The following EYS variants were observed in gnomAD, a reference collection of about 807,000 sequenced individuals.
EYS encodes protein eyes shut homolog.
In EYS, 250 loss-of-function variants were observed where a neutral mutation model predicts 282.1. That is an observed-to-expected ratio of 0.89 (90% CI 0.80 to 0.98). EYS has a LOEUF of 0.98. Among genes scored for constraint, EYS ranks in the 50% least tolerant of loss-of-function variants. EYS has a pLI of 0.00. For synonymous variants in EYS, 1,355 were observed against 1,282.9 expected, an observed-to-expected ratio of 1.06 and a Z score of -1.20; for missense variants, 4,016 against 3,709.0, an observed-to-expected ratio of 1.08 and a Z score of -2.15.
At chr6:64,493,730 A>G (rs1776805487) in intron 26 of EYS, among the ~76,000 whole-genome samples, 1 of 151,466 alleles carries the variant, frequency 6.6e-6, no homozygotes, top group Non-Finnish European at 1.5e-5. Flanking sequence ...ACATGCGCCT[A>G]TCTTAACTGA....
At chr6:65,510,178 C>A (rs978391069) in intron 2 of EYS, among the ~76,000 whole-genome samples, 6 of 116,168 alleles carry the variant, frequency 5.2e-5, no homozygotes, top group Non-Finnish European at 1.0e-4. Flanking sequence ...CCCCTCCCCC[C>A]ACCCCACAAC....
chr6:64,078,842 G>GT (rs1440528427), intron 32 of EYS, among the ~76,000 whole-genome samples: 1 of 152,032 alleles, frequency 6.6e-6, no homozygotes, highest in African/African-American at 2.4e-5. Flanking sequence ...CTTTAATGGA[G>GT]TGTATATATG....
chr6:64,905,871 GA>G (rs997686388), intron 16 of EYS, among the ~76,000 whole-genome samples: 1 of 151,460 alleles, frequency 6.6e-6, no homozygotes, highest in African/African-American at 2.4e-5. Context: ...TGTAAATAGG[GA>G]AAAAAACTAG....
At chr6:64,192,209 A>G (rs1256770864) in intron 31 of EYS, among the ~76,000 whole-genome samples, 1 of 149,370 alleles carries the variant, frequency 6.7e-6, no homozygotes, top group Non-Finnish European at 1.5e-5. Flanking sequence ...GTTTGAGATC[A>G]TTGTAGATTC....
chr6:64,291,466 C>A (rs549315929), intron 30 of EYS, among the ~76,000 whole-genome samples: 4 of 151,952 alleles, frequency 2.6e-5, no homozygotes, highest in African/African-American at 9.6e-5. Context: ...GTTTCATTTC[C>A]CAAGTATTAA....
chr6:64,260,954 T>A (rs553674797), intron 30 of EYS, among the ~76,000 whole-genome samples: 1 of 151,960 alleles, frequency 6.6e-6, no homozygotes, highest in South Asian at 2.1e-4. Context: ...TTTATACAAG[T>A]ATACAATGCG....
intron 12 of EYS, among the ~76,000 whole-genome samples, chr6:65,103,167 T>C (rs76002916): frequency 0.013 from 1,945 of 151,560 alleles, 109 homozygotes; most frequent in Admixed American, 0.11. Context: ...TCTTAACAAG[T>C]CCAATGGATA....
chr6:63,965,373 C>G (rs1294985628), intron 35 of EYS, among the ~76,000 whole-genome samples: 1 of 152,180 alleles, frequency 6.6e-6, no homozygotes, highest in African/African-American at 2.4e-5. Context: ...TCTGCCCCTG[C>G]TTTCTCACAC....
At chr6:65,636,608 TA>T (rs1767098626) in intron 2 of EYS, among the ~76,000 whole-genome samples, 1 of 152,138 alleles carries the variant, frequency 6.6e-6, no homozygotes, top group African/African-American at 2.4e-5. Flanking sequence ...AAAATAAAAA[TA>T]AATAAAAGCA....
chr6:63,908,936 G>A (rs1195468772), intron 35 of EYS, among the ~76,000 whole-genome samples: 1 of 151,944 alleles, frequency 6.6e-6, no homozygotes, highest in African/African-American at 2.4e-5. Context: ...ACCTAAGACT[G>A]TTTCAGGGGA....
At chr6:64,461,828 T>C (rs1192185747) in intron 26 of EYS, among the ~76,000 whole-genome samples, 2 of 152,330 alleles carry the variant, frequency 1.3e-5, no homozygotes, top group East Asian at 1.9e-4. Flanking sequence ...ATTTTCAATA[T>C]GATAATTTTG....
chr6:64,589,468 A>C (rs943659613), intron 26 of EYS, among the ~76,000 whole-genome samples: 1 of 152,110 alleles, frequency 6.6e-6, no homozygotes, highest in Non-Finnish European at 1.5e-5. Context: ...TAAAATAATG[A>C]AAAATCTTAT....
chr6:64,961,815 C>T (rs941538699), intron 14 of EYS, among the ~76,000 whole-genome samples: 4 of 151,972 alleles, frequency 2.6e-5, no homozygotes, highest in Non-Finnish European at 5.9e-5. Context: ...ATTTACTTAG[C>T]CTATCTTTTT....
intron 26 of EYS, among the ~76,000 whole-genome samples, chr6:64,502,914 A>G (rs904792976): frequency 6.6e-6 from 1 of 152,238 alleles, no homozygotes; most frequent in Non-Finnish European, 1.5e-5. Context: ...TTCTCATGGC[A>G]TAAGTCTGAG....
At chr6:64,388,368 A>G (rs1772980353) in intron 29 of EYS, among the ~76,000 whole-genome samples, 1 of 152,162 alleles carries the variant, frequency 6.6e-6, no homozygotes, top group South Asian at 2.1e-4. Context: ...TGAAATATCC[A>G]GTGAAAATCA....
At chr6:63,949,010 A>G (rs570922156) in intron 35 of EYS, among the ~76,000 whole-genome samples, 30 of 152,252 alleles carry the variant, frequency 2.0e-4, no homozygotes, top group African/African-American at 6.7e-4. Flanking sequence ...TGTACTACCT[A>G]TAATATTTTG....
At chr6:64,140,978 T>C (rs1218924203) in intron 31 of EYS, among the ~76,000 whole-genome samples, 1 of 152,220 alleles carries the variant, frequency 6.6e-6, no homozygotes, top group East Asian at 1.9e-4. Context: ...AATGTGTCTT[T>C]ATGACCTTGC....
chr6:64,831,731 G>T (rs1014721659), intron 19 of EYS, among the ~76,000 whole-genome samples: 5 of 151,956 alleles, frequency 3.3e-5, no homozygotes, highest in Non-Finnish European at 7.4e-5. Flanking sequence ...GCGGCCAGTT[G>T]TTAGAGGACT....
intron 41 of EYS, among the ~76,000 whole-genome samples, chr6:63,737,686 T>C (rs1383634329): frequency 1.3e-5 from 2 of 152,230 alleles, no homozygotes; most frequent in East Asian, 3.8e-4. Context: ...CTTATACCTC[T>C]GGTAGAATTT....
Sources: allele counts gnomAD v4.1 joint callset (sites outside exome capture counted in the v4.1 genomes callset), GRCh38; gene constraint gnomAD v4.1.1; transcripts MANE v1.5; gene names NCBI Gene and HGNC (gene_info 2026-07-23, HGNC 2026-07-21).